MYBPHL: variants seen among roughly 807,000 people sequenced by gnomAD.
MYBPHL encodes the protein myosin binding protein H like, also known as myosin-binding protein H-like.
A neutral mutation model predicts 39.5 loss-of-function variants in MYBPHL; 32 were observed. The ratio of observed to expected loss-of-function variants is 0.81; its 90% CI spans 0.61 to 1.09. The LOEUF is 1.09. Among genes scored for constraint, MYBPHL ranks in the 50% least tolerant of loss-of-function variants. The probability of loss-of-function intolerance (pLI) is 0.00; values close to 1 mark genes in which losing one functional copy is unlikely to be tolerated. For missense variants in MYBPHL, 456 were observed against 460.2 expected (o/e 0.99, Z 0.08); for synonymous variants, 196 against 183.7 (o/e 1.07, Z -0.54).
intron 1 of MYBPHL, among the ~76,000 whole-genome samples, chr1:109,301,878 C>A (rs1257852692): frequency 1.3e-5 from 2 of 152,132 alleles, no homozygotes; most frequent in African/African-American, 4.8e-5. Flanking sequence ...TATAATTGTT[C>A]CTATCCTCTC....
At chr1:109,306,093 C>T (rs953699023) in intron 1 of MYBPHL, among the ~76,000 whole-genome samples, 2 of 152,162 alleles carry the variant, frequency 1.3e-5, no homozygotes, top group Non-Finnish European at 2.9e-5. Flanking sequence ...TAGGAGTCCA[C>T]GTGTTTCTTG....
intron 1 of MYBPHL, among the ~76,000 whole-genome samples, chr1:109,300,301 A>G (rs1202110898): frequency 1.3e-5 from 2 of 152,248 alleles, no homozygotes; most frequent in South Asian, 2.1e-4. Context: ...TTCTCAGAGC[A>G]CTAGCTGTGT....
chr1:109,305,277 C>A (rs1331724431), intron 1 of MYBPHL, among the ~76,000 whole-genome samples: 7 of 152,360 alleles, frequency 4.6e-5, no homozygotes, highest in African/African-American at 1.7e-4. Flanking sequence ...GAACTCATGA[C>A]TTCTTTGTTC....
Position 109,306,879 on chromosome 1 carries a change from C to T in MYBPHL, c.113G>A (p.Ser38Asn), listed in dbSNP as rs774396298. ...AGGGGGCAGGAGCTGGGGAGTGGGGCTGCCAGCCCCCTGTCCAGGTGAAGC... is the reference window on the plus strand; with the variant it reads ...AGGGGGCAGGAGCTGGGGAGTGGGGTTGCCAGCCCCCTGTCCAGGTGAAGC... ...PQASPGQGAG[S>N]PTPQLLPPIE... Residue 38 changes from serine (S) to asparagine (N), a missense_variant, in exon 1 of 9, where the codon AGC (serine) becomes AAC (asparagine). Ser to Asn is a conservative substitution (Grantham distance 46). Coordinates refer to ENST00000357155, the MANE Select transcript of MYBPHL (RefSeq NM_001010985.3). The T allele has an allele frequency of 1.1e-5, 18 of 1,600,032 alleles. No homozygotes were observed. The South Asian group carries it at 1.9e-4, about 17-fold the overall frequency.
chr1:109,298,063 G>C (rs1041579784), intron 2 of MYBPHL, 106 bp downstream of exon 2: 2 of 958,318 alleles, frequency 2.1e-6, no homozygotes, highest in Admixed American at 2.5e-5. Context: ...TCTATCCAAG[G>C]CTGGGAAGAT....
intron 1 of MYBPHL, among the ~76,000 whole-genome samples, chr1:109,300,739 A>T (rs1658247320): frequency 6.7e-6 from 1 of 148,190 alleles, no homozygotes; most frequent in African/African-American, 2.6e-5. Flanking sequence ...CTGGGCAGAG[A>T]GCAAGGAAGG....
At chr1:109,300,529 T>C (rs1447217196) in intron 1 of MYBPHL, among the ~76,000 whole-genome samples, 2 of 152,236 alleles carry the variant, frequency 1.3e-5, no homozygotes, top group Non-Finnish European at 2.9e-5. Flanking sequence ...TGGGCTGTTA[T>C]GGGTAGCTGT....
At chr1:109,294,802 G>A (rs990592907) in intron 7 of MYBPHL, among the ~76,000 whole-genome samples, 1 of 152,196 alleles carries the variant, frequency 6.6e-6, no homozygotes, top group Non-Finnish European at 1.5e-5. Flanking sequence ...ATTTCCACCA[G>A]TGCCAGGTGA....
At chr1:109,306,732 T>C (rs1658481395) in intron 1 of MYBPHL, 115 bp downstream of exon 1, 3 of 866,580 alleles carry the variant, frequency 3.5e-6, no homozygotes, top group African/African-American at 1.8e-5. Flanking sequence ...TAATCACCAA[T>C]CCTATAGAGT....
Position 109,299,122 on chromosome 1 carries a change from G to A in MYBPHL, c.146-865C>T, listed in dbSNP as rs182376834. On this transcript the variant is annotated intron_variant, in intron 1 of 8. Coordinates refer to ENST00000357155, the MANE Select transcript of MYBPHL (RefSeq NM_001010985.3). ...CAAACATTCCACCTGCGTTCCCTCG[G>A]GGGCCTGGCTGAGACAGACACCATT... Among the ~76,000 whole-genome samples the A allele has an allele frequency of 2.0e-3, 303 of 152,296 alleles. 1 individual carries two copies. Among genetic ancestry groups the A allele is most frequent in the Middle Eastern group, 3.4e-3 (1 of 294 alleles).
intron 1 of MYBPHL, among the ~76,000 whole-genome samples, chr1:109,306,350 C>A (rs1658469083): frequency 6.6e-6 from 1 of 152,130 alleles, no homozygotes; most frequent in African/African-American, 2.4e-5. Context: ...CCTATGGGAG[C>A]AGTGGGGGAT....
chr1:109,305,021 T>C (rs564296049), intron 1 of MYBPHL, among the ~76,000 whole-genome samples: 2 of 151,942 alleles, frequency 1.3e-5, no homozygotes, highest in Non-Finnish European at 2.9e-5. Context: ...GGCTTAGGGG[T>C]CATCTAGTCC....
intron 2 of MYBPHL, 45 bp from the exon 3 acceptor site, chr1:109,297,662 T>C: frequency 4.6e-6 from 7 of 1,533,402 alleles, no homozygotes; most frequent in Non-Finnish European, 6.2e-6. Context: ...AGAGGCTTCC[T>C]GACTCTCCCT....
Position 109,297,062 on chromosome 1 carries a change from G to A in MYBPHL, c.558C>T (p.Asp186=). ...ALLGYTVQKA[D]TKSGLWFTVL... is the part of the protein sequence containing the mutation. ...CAGCTGGCCTCACCCCGGATTTTGTGTCAGCCTTCTGCACCGTGTATCCCA... is the reference window on the plus strand; with the variant it reads ...CAGCTGGCCTCACCCCGGATTTTGTATCAGCCTTCTGCACCGTGTATCCCA... The change falls in exon 4 of 9, where the codon GAC becomes GAT. Residue 186 remains aspartate, a synonymous_variant. Transcript: ENST00000357155. 6.2e-7 allele frequency: 1 copy of A among 1,614,128 alleles called. No individual in the cohort carries two copies. The highest frequency in any genetic ancestry group is 8.5e-7 in the Non-Finnish European group (1 of 1,180,032).
intron 1 of MYBPHL, among the ~76,000 whole-genome samples, chr1:109,304,204 A>G (rs1004439604): frequency 6.6e-6 from 1 of 152,052 alleles, no homozygotes; most frequent in Non-Finnish European, 1.5e-5. Context: ...AGTTATTTTT[A>G]CCTATTTTGT....
At chr1:109,297,367 A>G (rs1259862209) in intron 3 of MYBPHL, 55 bp downstream of exon 3, 23 of 1,576,882 alleles carry the variant, frequency 1.5e-5, no homozygotes, top group Middle Eastern at 2.1e-4. Context: ...GCTCCTCTTC[A>G]GCCTGGAGAG....
At chr1:109,299,896 G>T (rs1658223527) in intron 1 of MYBPHL, among the ~76,000 whole-genome samples, 1 of 152,214 alleles carries the variant, frequency 6.6e-6, no homozygotes, top group African/African-American at 2.4e-5. Flanking sequence ...TGTGTGATGG[G>T]CTTCTCTCCT....
chr1:109,293,355 C>T (rs1657931250), intron 8 of MYBPHL, among the ~76,000 whole-genome samples: 1 of 152,216 alleles, frequency 6.6e-6, no homozygotes, highest in South Asian at 2.1e-4. Flanking sequence ...TTCCTACCAT[C>T]GACTTGAGGA....
rs1658486268 is a variant in MYBPHL, at chr1:109,306,873, G to A, written c.119C>T (p.Thr40Ile). The A allele has an allele frequency of 3.1e-6, 5 of 1,600,530 alleles. No individual in the cohort carries two copies. Among genetic ancestry groups the A allele is most frequent in the Non-Finnish European group, 4.3e-6 (5 of 1,174,468 alleles). ...TTCTATAGGGGGCAGGAGCTGGGGA[G>A]TGGGGCTGCCAGCCCCCTGTCCAGG... ...ASPGQGAGSPTPQLLPPIEEH... is the reference protein window; with the variant it reads ...ASPGQGAGSPIPQLLPPIEEH... The change falls in exon 1 of 9, where the codon ACT (threonine) becomes ATT (isoleucine). Residue 40 changes from threonine to isoleucine, a missense_variant. Transcript: ENST00000357155.
Sources: gnomAD v4.1 joint callset for allele counts (sites outside exome capture counted in the v4.1 genomes callset) on GRCh38, gnomAD v4.1.1 for gene constraint, MANE v1.5 for transcripts, NCBI Gene and HGNC (gene_info 2026-07-23, HGNC 2026-07-21) for gene names.